COL15A1: variants seen among roughly 807,000 people sequenced by gnomAD.
COL15A1 encodes the protein collagen type XV alpha 1 chain.
A neutral mutation model predicts 165.9 loss-of-function variants in COL15A1; 111 were observed. That is an observed-to-expected ratio of 0.67 (90% confidence interval 0.57 to 0.78). COL15A1 has a LOEUF of 0.78. COL15A1 is among the 30% of genes least tolerant of loss of function. COL15A1 has a pLI of 0.00. For synonymous variants in COL15A1, 659 were observed against 674.8 expected, an observed-to-expected ratio of 0.98 and a Z score of 0.36; for missense variants, 1,745 against 1,789.7, an observed-to-expected ratio of 0.98 and a Z score of 0.45.
At chr9:98,961,506 G>A (rs1211030077) in intron 2 of COL15A1, among the ~76,000 whole-genome samples, 1 of 152,214 alleles carries the variant, frequency 6.6e-6, no homozygotes, top group Non-Finnish European at 1.5e-5. Context: ...GGAGTGGAAT[G>A]TTCCAGATAC....
chr9:98,944,845 C>T (rs901574663), intron 2 of COL15A1, among the ~76,000 whole-genome samples: 5 of 152,222 alleles, frequency 3.3e-5, no homozygotes, highest in Non-Finnish European at 7.3e-5. Flanking sequence ...TTCCCCGGGC[C>T]TCAGTTTCTC....
chr9:99,023,420 G>T lies in COL15A1; in HGVS notation c.1825G>T (p.Asp609Tyr). ...WGSDVGSGSG[D>Y]LVGSEQLLRG... ...CTCGGACGTCGGCTCTGGCTCTGGT[G>T]ACCTGGTGGGCAGTGAGCAGCTGCT... is the stretch of plus-strand genomic sequence containing the variant. Residue 609 changes from aspartate (D) to tyrosine (Y), a missense_variant, in exon 14 of 42, where the codon GAC (aspartate) becomes TAC (tyrosine). Physicochemically the swap from Asp to Tyr is radical, Grantham distance 160. Transcript: ENST00000375001. 1 of 1,529,598 alleles carries T rather than the reference G, an allele frequency of 6.5e-7. No individual in the cohort carries two copies. The highest frequency in any genetic ancestry group is 9.1e-7 in the Non-Finnish European group (1 of 1,103,894). 94.8% of individuals were successfully genotyped at this position (1,529,598 alleles called of 1,614,324 possible). A position where few individuals can be genotyped will look rare whatever the true frequency, so the allele number is the denominator to read the frequency against.
In COL15A1 at chr9:99,046,434, T is replaced by C. The variant is rs187555530; in HGVS notation, c.2680-1352T>C. On this transcript the variant is annotated intron_variant, in intron 26 of 41. Transcript: ENST00000375001. ...CCAGGTGATTCTTAACACACATTGATGTTTGGGAAGTGTATTAGTCCATTC... is the reference window on the plus strand; with the variant it reads ...CCAGGTGATTCTTAACACACATTGACGTTTGGGAAGTGTATTAGTCCATTC... Among the ~76,000 whole-genome samples, 11 of 152,292 alleles carry C rather than the reference T, an allele frequency of 7.2e-5. No homozygotes were observed. The East Asian group carries it at 1.5e-3, about 21-fold the overall frequency.
chr9:99,022,744 T>A (rs1244567771), intron 13 of COL15A1, among the ~76,000 whole-genome samples: 1 of 152,220 alleles, frequency 6.6e-6, no homozygotes, highest in Non-Finnish European at 1.5e-5. Flanking sequence ...ATTCAATGAA[T>A]GAATTAGGCC....
At chr9:99,030,352 A>G (rs1046325353) in intron 16 of COL15A1, among the ~76,000 whole-genome samples, 2 of 152,250 alleles carry the variant, frequency 1.3e-5, no homozygotes, top group African/African-American at 4.8e-5. Flanking sequence ...TCACTAAGAA[A>G]TAATGTACAA....
At chr9:99,012,935 A>C (rs1180407380) in intron 9 of COL15A1, among the ~76,000 whole-genome samples, 5 of 151,986 alleles carry the variant, frequency 3.3e-5, no homozygotes, top group African/African-American at 1.2e-4. Context: ...GCTGGTCTCG[A>C]ACTCCTGACT....
chr9:99,009,762 CAGG>C (rs1036100074), intron 9 of COL15A1, among the ~76,000 whole-genome samples: 3 of 152,178 alleles, frequency 2.0e-5, no homozygotes, highest in African/African-American at 7.2e-5. Flanking sequence ...ATAAAAACAA[CAGG>C]AGGCCAATTA....
At chr9:98,983,674 T>C (rs910608098) in intron 2 of COL15A1, among the ~76,000 whole-genome samples, 2 of 152,242 alleles carry the variant, frequency 1.3e-5, no homozygotes, top group Non-Finnish European at 2.9e-5. Flanking sequence ...CCCTGCGCAT[T>C]GACCTCTTGA....
chr9:99,067,702 T>G (rs1417415558), intron 40 of COL15A1, among the ~76,000 whole-genome samples: 2 of 152,184 alleles, frequency 1.3e-5, no homozygotes, highest in Non-Finnish European at 2.9e-5. Flanking sequence ...TACTCCAATT[T>G]AAAACCTTGA....
At chr9:98,998,263 C>T (rs1213330638) in intron 6 of COL15A1, among the ~76,000 whole-genome samples, 1 of 152,120 alleles carries the variant, frequency 6.6e-6, no homozygotes, top group East Asian at 1.9e-4. Context: ...TTTATTAATA[C>T]AAGTCTTCTA....
rs1825719209 is a variant in COL15A1, at chr9:99,056,286, G to A, written c.3219G>A (p.Gly1073=). The change falls in exon 35 of 42, where the codon GGG becomes GGA. Residue 1073 remains glycine (G), a synonymous_variant. Coordinates refer to ENST00000375001, the MANE Select transcript of COL15A1 (RefSeq NM_001855.5). Reference sequence around the variant, plus strand: ...GCCAAAAAGGGGAGACAGTCGTTGGGCCCCAAGGACCCCCAGGTGCTCCTG... The same window carrying A: ...GCCAAAAAGGGGAGACAGTCGTTGGACCCCAAGGACCCCCAGGTGCTCCTG... ...PAGQKGETVV[G]PQGPPGAPGL... 4.3e-6 allele frequency: 7 copies of A among 1,614,170 alleles called. No homozygotes were observed. Among genetic ancestry groups the A allele is most frequent in the Non-Finnish European group, 5.9e-6 (7 of 1,180,014 alleles).
At chr9:98,967,768 T>C (rs1837981673) in intron 2 of COL15A1, among the ~76,000 whole-genome samples, 1 of 152,184 alleles carries the variant, frequency 6.6e-6, no homozygotes, top group Admixed American at 6.5e-5. Context: ...CTGCCTGCTC[T>C]TGTCTCCAGG....
chr9:98,944,289 G>A (rs1246817610), intron 2 of COL15A1, 39 bp downstream of exon 2: 2 of 1,592,844 alleles, frequency 1.3e-6, no homozygotes, highest in South Asian at 1.1e-5. Context: ...GGCTGCCTCC[G>A]CGCCCGTGGG....
At chr9:99,058,889 AC>A (rs1825768507) in intron 35 of COL15A1, among the ~76,000 whole-genome samples, 1 of 152,122 alleles carries the variant, frequency 6.6e-6, no homozygotes, top group African/African-American at 2.4e-5. Flanking sequence ...GCTTGCAACG[AC>A]CTGAAGGACT....
intron 22 of COL15A1, among the ~76,000 whole-genome samples, chr9:99,039,825 G>A (rs780014129): frequency 1.3e-4 from 20 of 152,206 alleles, no homozygotes; most frequent in African/African-American, 2.4e-4. Flanking sequence ...ACACTGTGAC[G>A]CTCTGTGCAA....
rs760780649 is a variant in COL15A1 at position 99,060,232 on chromosome 9, TTTTATATATA to T, written c.3402+281_3402+290del. ...AGAACCAATCATATTACTTATATAT[TTTTATATATA>T]TATATATATATATATTTTTTTTTTG... is the stretch of plus-strand genomic sequence containing the variant. On this transcript the variant is annotated intron_variant, in intron 36 of 41. Coordinates refer to ENST00000375001, the MANE Select transcript of COL15A1 (RefSeq NM_001855.5). Among the ~76,000 whole-genome samples, 12 of 123,530 alleles carry T rather than the reference TTTTATATATA, an allele frequency of 9.7e-5. 1 individual carries two copies. The highest frequency in any genetic ancestry group is 2.8e-4 in the South Asian group (1 of 3,632). 81.0% of individuals were successfully genotyped at this position (123,530 alleles called of 152,430 possible).
intron 35 of COL15A1, 59 bp from the exon 36 acceptor site, chr9:99,059,830 C>G (rs1260602856): frequency 6.3e-7 from 1 of 1,595,390 alleles, no homozygotes; most frequent in Non-Finnish European, 8.6e-7. Context: ...TCAGCTGATA[C>G]CTCAGACATT....
intron 8 of COL15A1, among the ~76,000 whole-genome samples, chr9:99,004,012 G>T (rs1236894201): frequency 6.6e-6 from 1 of 152,196 alleles, no homozygotes; most frequent in Non-Finnish European, 1.5e-5. Context: ...GGGTGGAACA[G>T]GTGTTTCAGC....
At chr9:99,015,360 C>G (rs1838911506) in intron 9 of COL15A1, 57 bp from the exon 10 acceptor site, 1 of 1,266,806 alleles carries the variant, frequency 7.9e-7, no homozygotes, top group African/African-American at 1.5e-5. Context: ...GCCTCACACC[C>G]ACTGAACCAG....
Sources: allele counts gnomAD v4.1 joint callset (sites outside exome capture counted in the v4.1 genomes callset), GRCh38; gene constraint gnomAD v4.1.1; transcripts MANE v1.5; gene names NCBI Gene and HGNC (gene_info 2026-07-23, HGNC 2026-07-21).